Variants in DHRS7C observed in about 807,000 individuals in gnomAD.
DHRS7C encodes dehydrogenase/reductase SDR family member 7C.
DHRS7C carries 28 observed loss-of-function variants against 29.6 expected under a neutral mutation model. That is an observed-to-expected ratio of 0.95 (90% CI 0.70 to 1.30). DHRS7C has a LOEUF of 1.30. DHRS7C is among the 50% of genes most tolerant of loss of function. DHRS7C has a pLI of 0.00. For missense variants in DHRS7C, 403 were observed against 393.3 expected (o/e 1.02, Z -0.21); for synonymous variants, 158 against 160.2 (o/e 0.99, Z 0.10).
chr17:9,777,667 A>G (rs1015367496), intron 3 of DHRS7C, among the ~76,000 whole-genome samples: 1 of 152,126 alleles, frequency 6.6e-6, no homozygotes, highest in Non-Finnish European at 1.5e-5. Context: ...GGTACCCAGT[A>G]GAACAGAACA....
chr17:9,771,569 G>C lies in DHRS7C; in HGVS notation c.855C>G (p.Val285=). 1 of 1,594,580 alleles carries C rather than the reference G, an allele frequency of 6.3e-7. No homozygotes were observed. The highest frequency in any genetic ancestry group is 1.7e-5 in the Admixed American group (1 of 57,886). Residue 285 remains valine, a synonymous_variant, in exon 6 of 6, where the codon GTC becomes GTG. Coordinates refer to ENST00000571134, the MANE Select transcript of DHRS7C (RefSeq NM_001105571.3). ...ANPIPKAAVY[V]RTFFPEFFFA... ...AAAAGAACTCCGGGAAGAAGGTGCG[G>C]ACGTACACGGCGGCCTTGGGGATGG...
At position 9,791,238 on chromosome 17, in the gene DHRS7C, A is replaced by T; in HGVS notation, c.47T>A (p.Ile16Asn). 1 of 1,613,784 alleles carries T rather than the reference A, an allele frequency of 6.2e-7. No homozygotes were observed. Among genetic ancestry groups the T allele is most frequent in the Non-Finnish European group, 8.5e-7 (1 of 1,179,818 alleles). ...MLMLPLLLLG[I>N]SGLLFIYQEV... The stretch of plus-strand genomic sequence containing the variant: ...TTGGTAAATGAAGAGGAGGCCGCTG[A>T]TTCCCAGCAGCAGCAGGGGGAGCAT... Residue 16 changes from isoleucine to asparagine, a missense_variant, in exon 1 of 6, where the codon ATC becomes AAC. Physicochemically the swap from Ile to Asn is moderately radical, Grantham distance 149. Coordinates refer to ENST00000571134, the MANE Select transcript of DHRS7C (RefSeq NM_001105571.3).
intron 3 of DHRS7C, among the ~76,000 whole-genome samples, chr17:9,779,431 TA>T (rs1218696862): frequency 6.6e-6 from 1 of 152,166 alleles, no homozygotes; most frequent in African/African-American, 2.4e-5. Context: ...TGACCAACTG[TA>T]ATGGTTAGAA....
In DHRS7C at chr17:9,777,305, G is replaced by A; in HGVS notation, c.479-20C>T. The A allele has an allele frequency of 6.2e-7, 1 of 1,605,904 alleles. No individual in the cohort carries two copies. The highest frequency in any genetic ancestry group is 8.5e-7 in the Non-Finnish European group (1 of 1,174,350). On this transcript the variant is annotated intron_variant, in intron 3 of 5. Coordinates refer to ENST00000571134, the MANE Select transcript of DHRS7C (RefSeq NM_001105571.3). ...GCAGGGCTGGAAAACACAGGACGAT[G>A]CATCATGGTTAAAACTTTGAGACTG...
At chr17:9,783,290 A>T (rs777862647) in intron 1 of DHRS7C, among the ~76,000 whole-genome samples, 12 of 152,156 alleles carry the variant, frequency 7.9e-5, no homozygotes, top group Non-Finnish European at 1.6e-4. Flanking sequence ...GAGAGGGAAG[A>T]TTCCTCTCAA....
chr17:9,790,954 C>A (rs2066451439), intron 1 of DHRS7C, among the ~76,000 whole-genome samples, 177 bp downstream of exon 1: 1 of 152,246 alleles, frequency 6.6e-6, no homozygotes, highest in African/African-American at 2.4e-5. Flanking sequence ...CAGGAATCTG[C>A]AGCCTCCAAA....
At chr17:9,781,067 CT>C (rs1239099948) in intron 2 of DHRS7C, among the ~76,000 whole-genome samples, 1 of 152,160 alleles carries the variant, frequency 6.6e-6, no homozygotes, top group Non-Finnish European at 1.5e-5. Flanking sequence ...AAACTGCAGC[CT>C]TTTTGAAATA....
intron 1 of DHRS7C, chr17:9,783,062 T>C (rs1056203071): frequency 1.3e-5 from 2 of 152,212 alleles, no homozygotes; most frequent in African/African-American, 4.8e-5. Context: ...GAAGTCTAAA[T>C]CAGGTGGGAG....
intron 2 of DHRS7C, among the ~76,000 whole-genome samples, chr17:9,781,245 G>C (rs967132178): frequency 1.3e-5 from 2 of 152,180 alleles, no homozygotes; most frequent in African/African-American, 4.8e-5. Context: ...GAGTTACATA[G>C]GGTCAGGGCA....
intron 1 of DHRS7C, among the ~76,000 whole-genome samples, chr17:9,786,525 TG>T (rs1447027259): frequency 6.6e-6 from 1 of 151,842 alleles, no homozygotes; most frequent in Admixed American, 6.6e-5. Context: ...TGAAAGGAAA[TG>T]AAGGATGTGT....
chr17:9,779,806 A>T lies in DHRS7C; in HGVS notation c.478+19T>A, dbSNP rs2066382924. ...ATCTGGTGGCCCAGATACCCATGGG[A>T]AAGTCAAACTCACGAGACCTTTCGT... On this transcript the variant is annotated intron_variant, in intron 3 of 5. Transcript: ENST00000571134. 6.2e-7 allele frequency: 1 copy of T among 1,603,322 alleles called. No homozygotes were observed. The highest frequency in any genetic ancestry group is 1.3e-5 in the African/African-American group (1 of 74,896).
intron 4 of DHRS7C, among the ~76,000 whole-genome samples, chr17:9,773,741 T>TTTTTTTTTTC (rs57969612): frequency 4.6e-5 from 6 of 129,326 alleles, no homozygotes; most frequent in African/African-American, 1.6e-4. Context: ...TTTTTTTTTT[T>TTTTTTTTTTC]TGAGACGGCG....
Position 9,781,500 on chromosome 17 carries a change from G to A in DHRS7C, c.249C>T (p.Ser83=), listed in dbSNP as rs765257727. 5.2e-5 allele frequency: 84 copies of A among 1,613,868 alleles called. No individual in the cohort carries two copies. In the South Asian group the frequency reaches 5.9e-4, roughly 11 times the overall value. The change falls in exon 2 of 6, where the codon AGC becomes AGT. Residue 83 remains serine, a synonymous_variant. Coordinates refer to ENST00000571134, the MANE Select transcript of DHRS7C (RefSeq NM_001105571.3). ...RLENLYDALI[S]VADPSKTFTP... is the part of the protein sequence containing the mutation. ...ACCTTACCTTGCTGGGGTCAGCCAC[G>A]CTGATCAAGGCATCATATAGGTTCT...
At chr17:9,777,960 A>T (rs1415571540) in intron 3 of DHRS7C, among the ~76,000 whole-genome samples, 1 of 152,220 alleles carries the variant, frequency 6.6e-6, no homozygotes, top group Admixed American at 6.5e-5. Context: ...AATTTAATTT[A>T]AAAATGAGAA....
rs2066359779 is a variant in DHRS7C, at chr17:9,775,919, G to A, written c.571+1274C>T. Among the ~76,000 whole-genome samples the A allele has an allele frequency of 6.6e-6, 1 of 152,104 alleles. No homozygotes were observed. The highest frequency in any genetic ancestry group is 1.5e-5 in the Non-Finnish European group (1 of 67,992). ...TGCTATTGTAAGAAGAGGAAATTTG[G>A]GGCCGGGCATGGTGGCTCACGCCTG... On this transcript the variant is annotated intron_variant, in intron 4 of 5. Coordinates refer to ENST00000571134, the MANE Select transcript of DHRS7C (RefSeq NM_001105571.3). This position sits in a 1 kb window ranked among gnomAD's most constrained non-coding sequence, Gnocchi z 4.2.
chr17:9,778,148 T>C (rs888444779), intron 3 of DHRS7C, among the ~76,000 whole-genome samples: 1 of 151,836 alleles, frequency 6.6e-6, no homozygotes, highest in African/African-American at 2.4e-5. Flanking sequence ...TCCCAGCACT[T>C]TGGGAGGCCG....
At position 9,775,166 on chromosome 17, in the gene DHRS7C, T is replaced by C. The variant is rs1002959784; in HGVS notation, c.571+2027A>G. Among the ~76,000 whole-genome samples the C allele has an allele frequency of 6.6e-5, 10 of 152,182 alleles. No homozygotes were observed. Among genetic ancestry groups the C allele is most frequent in the African/African-American group, 2.2e-4 (9 of 41,442 alleles). ...ACACTTTGTTGAATGAATGAAGGCA[T>C]GAAGCAAGGAAGATGAAAAGTCACC... is the stretch of plus-strand genomic sequence containing the variant. On this transcript the variant is annotated intron_variant, in intron 4 of 5. Transcript: ENST00000571134. The surrounding 1 kb of genome is among the most constrained non-coding windows in gnomAD (Gnocchi z 4.2).
chr17:9,771,817 T>G, intron 5 of DHRS7C, 121 bp from the exon 6 acceptor site: 3 of 1,050,982 alleles, frequency 2.9e-6, no homozygotes, highest in African/African-American at 1.6e-5. Flanking sequence ...AGTCACAGGT[T>G]CCAGGCCCCC....
chr17:9,790,813 C>T (rs1444176292), intron 1 of DHRS7C, among the ~76,000 whole-genome samples: 2 of 152,172 alleles, frequency 1.3e-5, no homozygotes, highest in Admixed American at 1.3e-4. Context: ...AGTACATTGC[C>T]CCAGCTAAAG....
Sources: allele counts gnomAD v4.1 joint callset (sites outside exome capture counted in the v4.1 genomes callset), GRCh38; gene constraint gnomAD v4.1.1; non-coding constraint Gnocchi (gnomAD v3.1); transcripts MANE v1.5; gene names NCBI Gene and HGNC (gene_info 2026-07-23, HGNC 2026-07-21).